Variants in FNDC3A observed in about 807,000 individuals in gnomAD.
The protein encoded by FNDC3A is fibronectin type-III domain-containing protein 3A.
FNDC3A carries 32 observed loss-of-function variants against 148.9 expected under a neutral mutation model. The ratio of observed to expected loss-of-function variants is 0.21; its 90% CI spans 0.16 to 0.29. The LOEUF (loss-of-function observed/expected upper bound fraction) is 0.29, where lower values mean the gene tolerates loss of function less well. Ranked by LOEUF, FNDC3A falls within the 10% of genes least tolerant of loss-of-function variation. FNDC3A has a pLI of 1.00. For synonymous variants in FNDC3A, 472 were observed against 473.6 expected, an observed-to-expected ratio of 1.00 and a Z score of 0.04; for missense variants, 1,191 against 1,452.8, an observed-to-expected ratio of 0.82 and a Z score of 2.93.
chr13:49,163,694 AAATC>A (rs1235000016), intron 8 of FNDC3A, among the ~76,000 whole-genome samples: 1 of 152,162 alleles, frequency 6.6e-6, no homozygotes, highest in Non-Finnish European at 1.5e-5. Flanking sequence ...GGAAATGCAT[AAATC>A]ACCCATCTTC....
At chr13:48,979,071 A>G (rs1031627034) in intron 1 of FNDC3A, among the ~76,000 whole-genome samples, 3 of 152,180 alleles carry the variant, frequency 2.0e-5, no homozygotes, top group African/African-American at 4.8e-5. Flanking sequence ...TCTTCCATCA[A>G]GTTCCTTTGT....
intron 1 of FNDC3A, among the ~76,000 whole-genome samples, chr13:48,989,567 A>G (rs1951871525): frequency 6.6e-6 from 1 of 152,242 alleles, no homozygotes; most frequent in Non-Finnish European, 1.5e-5. Context: ...AGATACAGCA[A>G]TAGAAACTAT....
At chr13:48,975,767 A>G (rs1002941484), upstream of FNDC3A, 1 of 151,962 alleles carries the variant, frequency 6.6e-6, no homozygotes, top group East Asian at 1.9e-4. Context: ...CTCAGCCGCC[A>G]CGCGCCGGTG....
At position 49,015,815 on chromosome 13, in the gene FNDC3A, G is replaced by A. The variant is rs573000305; in HGVS notation, c.99+9526G>A. On this transcript the variant is annotated intron_variant, in intron 2 of 25. Coordinates refer to ENST00000492622, the MANE Select transcript of FNDC3A (RefSeq NM_001079673.2). ...TTATTGAGAGTTTTTAGCATGAAGC[G>A]TTGTTGAATTTTGTCAAAGGCCTTT... Among the ~76,000 whole-genome samples, 209 of 151,578 alleles carry A rather than the reference G, an allele frequency of 1.4e-3. 1 individual carries two copies. The highest frequency in any genetic ancestry group is 4.5e-3 in the African/African-American group (186 of 41,334).
Position 49,063,632 on chromosome 13 carries a change from C to A in FNDC3A, c.100-11657C>A, listed in dbSNP as rs1877051109. Among the ~76,000 whole-genome samples the A allele has an allele frequency of 3.3e-5, 5 of 152,054 alleles. No individual in the cohort carries two copies. The South Asian group carries it at 1.0e-3, about 32-fold the overall frequency. On this transcript the variant is annotated intron_variant, in intron 2 of 25. Coordinates refer to ENST00000492622, the MANE Select transcript of FNDC3A (RefSeq NM_001079673.2). Reference sequence around the variant, plus strand: ...ACATTATTCCTTGTATCACAAATTCCAGGAAAATGAAGATAATGGGTGAGT... The same window carrying A: ...ACATTATTCCTTGTATCACAAATTCAAGGAAAATGAAGATAATGGGTGAGT...
At chr13:49,155,622 T>G (rs1430442405) in intron 8 of FNDC3A, among the ~76,000 whole-genome samples, 4 of 131,634 alleles carry the variant, frequency 3.0e-5, no homozygotes, top group African/African-American at 1.2e-4. Context: ...AGGGTGTCAA[T>G]TTTGGATCTT....
chr13:49,100,695 C>T (rs1005688723), intron 3 of FNDC3A, among the ~76,000 whole-genome samples: 1 of 152,058 alleles, frequency 6.6e-6, no homozygotes, highest in African/African-American at 2.4e-5. Flanking sequence ...AATGTCTTTA[C>T]TTGGCCTAAT....
At chr13:49,015,268 A>ATCTCCTTGAGCAATGGTTTGTAGT (rs1405532461) in intron 2 of FNDC3A, among the ~76,000 whole-genome samples, 1 of 152,126 alleles carries the variant, frequency 6.6e-6, no homozygotes, top group African/African-American at 2.4e-5. Flanking sequence ...ATCCTCTTTT[A>ATCTCCTTGAGCAATGGTTTGTAGT]TCTCCTTGAG....
intron 4 of FNDC3A, among the ~76,000 whole-genome samples, chr13:49,119,074 G>T (rs1479351432): frequency 6.6e-6 from 1 of 152,212 alleles, no homozygotes; most frequent in Non-Finnish European, 1.5e-5. Context: ...ACACCTTCCA[G>T]CAGGGTCGAC....
intron 16 of FNDC3A, chr13:49,187,788 AT>A: frequency 1.5e-6 from 1 of 683,126 alleles, no homozygotes; most frequent in Non-Finnish European, 2.5e-6. Flanking sequence ...AGCAGTTAGG[AT>A]TTTGCCTGTT....
chr13:49,123,639 T>G (rs1881506099), intron 4 of FNDC3A, among the ~76,000 whole-genome samples: 1 of 148,214 alleles, frequency 6.7e-6, no homozygotes, highest in Non-Finnish European at 1.5e-5. Flanking sequence ...ACAAAGAACT[T>G]AAACAAATTT....
chr13:49,117,633 C>T (rs907752206), intron 4 of FNDC3A, among the ~76,000 whole-genome samples: 16 of 151,802 alleles, frequency 1.1e-4, no homozygotes, highest in South Asian at 4.2e-4. Flanking sequence ...ATACTGAACA[C>T]GTACAGACTT....
chr13:48,986,798 C>T (rs1361513055), intron 1 of FNDC3A, among the ~76,000 whole-genome samples: 2 of 152,102 alleles, frequency 1.3e-5, no homozygotes, highest in African/African-American at 4.8e-5. Context: ...ATCTGGTCAT[C>T]TCAGAAAGGA....
intron 2 of FNDC3A, among the ~76,000 whole-genome samples, chr13:49,070,003 A>G (rs1468285211): frequency 1.3e-5 from 2 of 152,242 alleles, no homozygotes; most frequent in Admixed American, 1.3e-4. Flanking sequence ...AAGGAAATAA[A>G]TATAAGCAAT....
intron 3 of FNDC3A, chr13:49,095,367 G>A (rs557277308): frequency 3.3e-5 from 5 of 152,108 alleles, no homozygotes; most frequent in Non-Finnish European, 7.4e-5. Flanking sequence ...AAAGGATTCT[G>A]CCACTCGGGA....
intron 2 of FNDC3A, among the ~76,000 whole-genome samples, chr13:49,016,806 T>G (rs1259678737): frequency 6.6e-6 from 1 of 152,148 alleles, no homozygotes; most frequent in African/African-American, 2.4e-5. Context: ...GTTGCGTCTT[T>G]GTTCTCGTTG....
intron 17 of FNDC3A, 96 bp from the exon 18 acceptor site, chr13:49,190,919 G>A: frequency 1.4e-6 from 1 of 719,982 alleles, no homozygotes; most frequent in Admixed American, 2.8e-5. Context: ...AATTATCAGT[G>A]CAATATTTGT....
chr13:48,997,118 C>T (rs1265748282), intron 1 of FNDC3A, among the ~76,000 whole-genome samples: 1 of 151,052 alleles, frequency 6.6e-6, no homozygotes, highest in Non-Finnish European at 1.5e-5. Flanking sequence ...ACATATTTTT[C>T]CTATCAGTAC....
chr13:49,145,276 T>G (rs1882928577), intron 7 of FNDC3A, among the ~76,000 whole-genome samples: 1 of 152,176 alleles, frequency 6.6e-6, no homozygotes, highest in African/African-American at 2.4e-5. Flanking sequence ...AGTATTAGCT[T>G]TTTAATCTTC....
Sources: allele counts gnomAD v4.1 joint callset (sites outside exome capture counted in the v4.1 genomes callset), GRCh38; gene constraint gnomAD v4.1.1; transcripts MANE v1.5; gene names NCBI Gene and HGNC (gene_info 2026-07-23, HGNC 2026-07-21).